Variants in MAPK10 observed in about 807,000 individuals in gnomAD.
MAPK10 encodes JNK3 alpha protein kinase.
Under a neutral mutation model 59.3 loss-of-function variants are expected in MAPK10, and 25 were observed. The observed-to-expected ratio is 0.42, with a 90% CI of 0.31 to 0.59. The LOEUF is 0.59. Ranked by LOEUF, MAPK10 falls within the 20% of genes least tolerant of loss-of-function variation. The pLI is 0.15. For missense variants in MAPK10, 351 were observed against 568.9 expected (o/e 0.62, Z 3.90); for synonymous variants, 190 against 200.5 (o/e 0.95, Z 0.44).
intron 1 of MAPK10, chr4:86,356,557 G>GT: frequency 7.3e-6 from 4 of 548,650 alleles, no homozygotes; most frequent in Non-Finnish European, 9.3e-6. Flanking sequence ...GCAAAACACA[G>GT]GTTTTGTATT....
chr4:86,374,582 G>A (rs1441380101), intron 1 of MAPK10, among the ~76,000 whole-genome samples: 1 of 152,058 alleles, frequency 6.6e-6, no homozygotes, highest in Non-Finnish European at 1.5e-5. Context: ...AAAAAGAAAA[G>A]GCAGAAGAAG....
intron 1 of MAPK10, among the ~76,000 whole-genome samples, chr4:86,572,922 CT>C (rs1761576955): frequency 6.6e-6 from 1 of 152,068 alleles, no homozygotes; most frequent in African/African-American, 2.4e-5. Flanking sequence ...TGTTTATTTG[CT>C]ATCTGGATAT....
At chr4:86,487,730 C>CA (rs556680512) in intron 1 of MAPK10, among the ~76,000 whole-genome samples, 1,551 of 95,492 alleles carry the variant, frequency 0.016, 11 homozygotes, top group Non-Finnish European at 0.02. Flanking sequence ...GACTCTGTCT[C>CA]AAAAAAAAAA....
chr4:86,152,043 C>T (rs529147601), intron 4 of MAPK10: 2 of 152,320 alleles, frequency 1.3e-5, no homozygotes, highest in Admixed American at 1.3e-4. Flanking sequence ...GACCACGTAT[C>T]AGAGTCCACG....
At chr4:86,080,886 C>T (rs2050508515) in intron 9 of MAPK10, 1 of 151,696 alleles carries the variant, frequency 6.6e-6, no homozygotes, top group Non-Finnish European at 1.5e-5. Context: ...AAAATAAATA[C>T]CAATAGGGAT....
At chr4:86,226,441 G>T (rs2090634158) in intron 2 of MAPK10, among the ~76,000 whole-genome samples, 1 of 152,204 alleles carries the variant, frequency 6.6e-6, no homozygotes, top group Non-Finnish European at 1.5e-5. Context: ...CCAGTGGCAG[G>T]TTAAAAGATC....
At chr4:86,571,723 C>T (rs539828737) in intron 1 of MAPK10, among the ~76,000 whole-genome samples, 47 of 152,156 alleles carry the variant, frequency 3.1e-4, no homozygotes, top group Admixed American at 1.3e-3. Context: ...GCCAAAGATA[C>T]GGTTGGCTAT....
At chr4:86,160,889 A>T (rs1240484580) in intron 3 of MAPK10, among the ~76,000 whole-genome samples, 1 of 152,126 alleles carries the variant, frequency 6.6e-6, no homozygotes, top group Non-Finnish European at 1.5e-5. Context: ...TTGGCATTTC[A>T]TCTCTAAATA....
At position 86,029,284 on chromosome 4, in the gene MAPK10, A is replaced by G. The variant is rs767373829; in HGVS notation, c.1175-10T>C. On this transcript the variant is annotated splice_polypyrimidine_tract_variant and intron_variant, in intron 12 of 13. Transcript: ENST00000641462. ...TCCTTGTAGATAAGTTCTGTAAGAA[A>G]CAGCTGTGTTATTATAGAAAACAAA... The G allele has an allele frequency of 6.4e-7, 1 of 1,560,260 alleles. No homozygotes were observed. Among genetic ancestry groups the G allele is most frequent in the Non-Finnish European group, 8.8e-7 (1 of 1,132,118 alleles).
Position 86,421,087 on chromosome 4 carries a change from GA to G in MAPK10, c.-122+31942del, listed in dbSNP as rs919663885. ...ACATAGTGAGACTCCACCTCAGAAA[GA>G]AAAAAAAAAAATTTACATATACAAA... On this transcript the variant is annotated intron_variant, in intron 1 of 13. Coordinates refer to the MAPK10 transcript ENST00000361569. Among the ~76,000 whole-genome samples, 1,305 of 144,356 alleles carry G rather than the reference GA, an allele frequency of 9.0e-3. 17 individuals carry two copies. Among genetic ancestry groups the G allele is most frequent in the African/African-American group, 0.03 (1,179 of 39,630 alleles). 94.7% of individuals were successfully genotyped at this position (144,356 alleles called of 152,430 possible). A position where few individuals can be genotyped will look rare whatever the true frequency, so the allele number is the denominator to read the frequency against.
intron 4 of MAPK10, among the ~76,000 whole-genome samples, chr4:86,118,613 CACAT>C (rs1281828425): frequency 2.3e-5 from 3 of 132,294 alleles, no homozygotes; most frequent in Non-Finnish European, 4.9e-5. Flanking sequence ...CACACACACA[CACAT>C]CTCTGAAGGC....
chr4:86,557,309 A>T (rs1760344673), intron 1 of MAPK10, among the ~76,000 whole-genome samples: 1 of 152,038 alleles, frequency 6.6e-6, no homozygotes, highest in Non-Finnish European at 1.5e-5. Context: ...CAACCTCCCA[A>T]GTTATGTTAT....
chr4:86,070,285 A>C (rs942957919), intron 9 of MAPK10, among the ~76,000 whole-genome samples: 1 of 151,808 alleles, frequency 6.6e-6, no homozygotes, highest in Admixed American at 6.6e-5. Context: ...TGTTTTCTAG[A>C]TGTTCATAGA....
intron 1 of MAPK10, among the ~76,000 whole-genome samples, chr4:86,376,811 A>G (rs959733447): frequency 1.3e-5 from 2 of 152,204 alleles, no homozygotes; most frequent in African/African-American, 4.8e-5. Flanking sequence ...ACTAAAGAAA[A>G]CAATTCAAAT....
intron 13 of MAPK10, among the ~76,000 whole-genome samples, chr4:86,023,524 T>C (rs1748475110): frequency 2.0e-5 from 3 of 152,118 alleles, no homozygotes; most frequent in Non-Finnish European, 4.4e-5. Context: ...ATTCGGGGAG[T>C]ATCTGTCATT....
intron 2 of MAPK10, among the ~76,000 whole-genome samples, chr4:86,197,333 T>A (rs1303233662): frequency 6.6e-6 from 1 of 152,178 alleles, no homozygotes; most frequent in Non-Finnish European, 1.5e-5. Context: ...CAGTTGTGAA[T>A]GGGAGTTCAC....
chr4:86,065,976 G>A (rs1448394189), intron 10 of MAPK10, among the ~76,000 whole-genome samples: 1 of 152,020 alleles, frequency 6.6e-6, no homozygotes, highest in Non-Finnish European at 1.5e-5. Flanking sequence ...AACCCCACTA[G>A]CTAGAGGCAA....
At chr4:86,136,999 T>A (rs563501019) in intron 4 of MAPK10, among the ~76,000 whole-genome samples, 1 of 152,042 alleles carries the variant, frequency 6.6e-6, no homozygotes, top group African/African-American at 2.4e-5. Flanking sequence ...CCTAAATATA[T>A]ATGCACCCAA....
chr4:86,164,290 A>C (rs1017569224), intron 3 of MAPK10, among the ~76,000 whole-genome samples: 1 of 152,194 alleles, frequency 6.6e-6, no homozygotes, highest in African/African-American at 2.4e-5. Context: ...CATTAAATCC[A>C]GTTTTAAAAA....
Sources: gnomAD v4.1 joint callset for allele counts (sites outside exome capture counted in the v4.1 genomes callset) on GRCh38, gnomAD v4.1.1 for gene constraint, MANE v1.5 for transcripts, NCBI Gene and HGNC (gene_info 2026-07-23, HGNC 2026-07-21) for gene names.